Variants in TPTE observed in about 807,000 individuals in gnomAD.
The protein encoded by TPTE is transmembrane phosphatase with tensin homology.
In TPTE, 59 loss-of-function variants were observed where a neutral mutation model predicts 84.1. That is an observed-to-expected ratio of 0.70 (90% confidence interval 0.57 to 0.87). TPTE has a LOEUF of 0.87. Among genes scored for constraint, TPTE ranks in the 40% least tolerant of loss-of-function variants. The probability of loss-of-function intolerance (pLI) is 0.00; values close to 1 mark genes in which losing one functional copy is unlikely to be tolerated. For synonymous variants in TPTE, 130 were observed against 223.5 expected, an observed-to-expected ratio of 0.58 and a Z score of 3.73; for missense variants, 382 against 659.6, an observed-to-expected ratio of 0.58 and a Z score of 4.61.
chr21:10,530,121 C>G (rs1258057239), intron 3 of TPTE, among the ~76,000 whole-genome samples: 1 of 152,304 alleles, frequency 6.6e-6, no homozygotes, highest in Non-Finnish European at 1.5e-5. Flanking sequence ...AAAAGCTAGC[C>G]CCTGTGTCCT....
chr21:10,587,100 A>T (rs1259419843), intron 17 of TPTE, among the ~76,000 whole-genome samples: 1 of 152,312 alleles, frequency 6.6e-6, no homozygotes, highest in Non-Finnish European at 1.5e-5. Context: ...TGTCTTCTTT[A>T]ATCAATGAAT....
In TPTE at chr21:10,592,267, T is replaced by C. The variant is rs377621155; in HGVS notation, c.1090-26T>C. ...GAAAGGAAAGAGTGCAGATGAACCA[T>C]GGTTGGATTGTACCCTTTTTTGTAG... is the stretch of plus-strand genomic sequence containing the variant. On this transcript the variant is annotated intron_variant, in intron 18 of 23. Coordinates refer to ENST00000618007, the MANE Select transcript of TPTE (RefSeq NM_199261.4). 4.1e-4 allele frequency: 658 copies of C among 1,611,466 alleles called. No individual in the cohort carries two copies. The African/African-American group carries it at 6.9e-3, about 17-fold the overall frequency.
chr21:10,558,871 G>C (rs1210115924), intron 8 of TPTE, among the ~76,000 whole-genome samples: 2 of 152,418 alleles, frequency 1.3e-5, no homozygotes, highest in East Asian at 3.9e-4. Context: ...GGCATTATTG[G>C]AGGCTCCATC....
intron 22 of TPTE, among the ~76,000 whole-genome samples, chr21:10,602,521 G>T (rs1186715640): frequency 6.6e-6 from 1 of 152,308 alleles, no homozygotes; most frequent in Non-Finnish European, 1.5e-5. Context: ...TTGAGACAGG[G>T]TCTCACTGTG....
At chr21:10,553,696 T>C (rs1475587248) in intron 8 of TPTE, among the ~76,000 whole-genome samples, 1 of 152,424 alleles carries the variant, frequency 6.6e-6, no homozygotes. Context: ...TGCTGGTGTT[T>C]CATAACAGGG....
intron 17 of TPTE, among the ~76,000 whole-genome samples, chr21:10,584,914 G>GTGTGTA (rs2075335926): frequency 1.3e-5 from 2 of 151,954 alleles, no homozygotes; most frequent in African/African-American, 4.8e-5. Flanking sequence ...GTGTGTGTGT[G>GTGTGTA]TATTAGTGAC....
intron 23 of TPTE, among the ~76,000 whole-genome samples, chr21:10,604,592 G>C (rs1168761818): frequency 1.3e-5 from 2 of 152,298 alleles, no homozygotes; most frequent in Admixed American, 6.5e-5. Context: ...CTTTGTATTT[G>C]ATGGAAATTT....
chr21:10,554,361 C>CT (rs1280038440), intron 8 of TPTE, among the ~76,000 whole-genome samples: 8 of 152,294 alleles, frequency 5.3e-5, no homozygotes, highest in Admixed American at 3.3e-4. Context: ...AGTGGAAATT[C>CT]TGTGTCAAAG....
At chr21:10,546,536 A>G (rs2074471130) in intron 7 of TPTE, among the ~76,000 whole-genome samples, 1 of 152,308 alleles carries the variant, frequency 6.6e-6, no homozygotes. Flanking sequence ...CACTTCAGCC[A>G]AGTTGTGAAT....
At chr21:10,572,506 A>T in intron 14 of TPTE, among the ~76,000 whole-genome samples, 1 of 152,426 alleles carries the variant, frequency 6.6e-6, no homozygotes, top group African/African-American at 2.4e-5. Context: ...AAAAGCATCA[A>T]GTCACATATA....
intron 10 of TPTE, among the ~76,000 whole-genome samples, chr21:10,563,660 AAAAC>A (rs1439627075): frequency 5.9e-5 from 9 of 152,384 alleles, no homozygotes; most frequent in African/African-American, 2.2e-4. Context: ...CGAAAAATAA[AAAAC>A]AAGAAACTAA....
chr21:10,526,489 A>G (rs1402064837), intron 2 of TPTE, among the ~76,000 whole-genome samples: 1 of 152,312 alleles, frequency 6.6e-6, no homozygotes, highest in Non-Finnish European at 1.5e-5. Flanking sequence ...TTCTGTGGTC[A>G]AATAGGTTAA....
chr21:10,588,155 T>G (rs2075400401), intron 17 of TPTE, among the ~76,000 whole-genome samples: 1 of 152,306 alleles, frequency 6.6e-6, no homozygotes, highest in Non-Finnish European at 1.5e-5. Flanking sequence ...GGCCCATGGC[T>G]CTATTTTGAA....
intron 21 of TPTE, among the ~76,000 whole-genome samples, chr21:10,599,038 C>T (rs547417459): frequency 5.8e-3 from 876 of 150,984 alleles, no homozygotes; most frequent in Non-Finnish European, 0.01. Flanking sequence ...TATGAGCACC[C>T]GCTGAGTTGT....
chr21:10,587,234 C>T (rs865981300), intron 17 of TPTE, among the ~76,000 whole-genome samples: 132 of 152,204 alleles, frequency 8.7e-4, no homozygotes, highest in Middle Eastern at 3.4e-3. Context: ...TATAAATTAG[C>T]TTTTAGATTT....
intron 21 of TPTE, among the ~76,000 whole-genome samples, chr21:10,601,486 G>T (rs1267911195): frequency 6.6e-6 from 1 of 152,290 alleles, no homozygotes; most frequent in Admixed American, 6.5e-5. Flanking sequence ...GACAGAGTGA[G>T]ACTCTGTCTC....
chr21:10,566,959 A>G, intron 10 of TPTE, among the ~76,000 whole-genome samples: 1 of 152,242 alleles, frequency 6.6e-6, no homozygotes, highest in Non-Finnish European at 1.5e-5. Flanking sequence ...CCTGGGCAAC[A>G]AGAGTGAAAC....
In TPTE at chr21:10,536,035, T is replaced by A. The variant is rs371924214; in HGVS notation, c.-43-2646T>A. 2.6e-5 allele frequency among the ~76,000 whole-genome samples: 4 copies of A among 152,304 alleles called. No homozygotes were observed. The East Asian group carries it at 7.7e-4, about 29-fold the overall frequency. On this transcript the variant is annotated intron_variant, in intron 3 of 23. Coordinates refer to ENST00000618007, the MANE Select transcript of TPTE (RefSeq NM_199261.4). ...GCTCATATCTGTAATCCCAGCACTTTGGGAGGCCAAGACAGCTAGATCACT... is the reference window on the plus strand; with the variant it reads ...GCTCATATCTGTAATCCCAGCACTTAGGGAGGCCAAGACAGCTAGATCACT...
chr21:10,556,942 A>C (rs2074695938), intron 8 of TPTE, among the ~76,000 whole-genome samples: 2 of 152,310 alleles, frequency 1.3e-5, no homozygotes, highest in African/African-American at 4.8e-5. Flanking sequence ...TCTGGATATT[A>C]GTCCTTTGTC....
Sources: gnomAD v4.1 joint callset for allele counts (sites outside exome capture counted in the v4.1 genomes callset) on GRCh38, gnomAD v4.1.1 for gene constraint, MANE v1.5 for transcripts, NCBI Gene and HGNC (gene_info 2026-07-23, HGNC 2026-07-21) for gene names.